Variants in EXOC4 observed in about 807,000 individuals in gnomAD.
EXOC4 encodes the protein exocyst complex component 4, also known as SEC8-like 1.
Under a neutral mutation model 107.2 loss-of-function variants are expected in EXOC4, and 71 were observed. The ratio of observed to expected loss-of-function variants is 0.66; its 90% CI spans 0.55 to 0.81. The LOEUF (loss-of-function observed/expected upper bound fraction) is 0.81, where lower values mean the gene tolerates loss of function less well. EXOC4 is among the 30% of genes least tolerant of loss of function. The pLI is 0.00. For missense variants in EXOC4, 1,108 were observed against 1,189.6 expected (o/e 0.93, Z 1.01); for synonymous variants, 456 against 441.2 (o/e 1.03, Z -0.42).
chr7:133,814,079 A>G (rs1227683046), intron 10 of EXOC4, among the ~76,000 whole-genome samples: 2 of 152,214 alleles, frequency 1.3e-5, no homozygotes, highest in South Asian at 2.1e-4. Flanking sequence ...ACAGTTTTTA[A>G]CAATCAAATG....
At chr7:133,630,574 A>T (rs779540853) in intron 10 of EXOC4, among the ~76,000 whole-genome samples, 5 of 152,084 alleles carry the variant, frequency 3.3e-5, no homozygotes, top group Non-Finnish European at 5.9e-5. Flanking sequence ...GCAGACTTTT[A>T]ATTGCAACAG....
intron 9 of EXOC4, among the ~76,000 whole-genome samples, chr7:133,497,671 C>T (rs185250544): frequency 4.9e-4 from 75 of 152,186 alleles, no homozygotes; most frequent in East Asian, 4.6e-3. Flanking sequence ...CCTCGTGTTC[C>T]GCCCACCTCA....
At chr7:133,517,427 T>TC (rs1799897674) in intron 9 of EXOC4, among the ~76,000 whole-genome samples, 1 of 152,162 alleles carries the variant, frequency 6.6e-6, no homozygotes, top group African/African-American at 2.4e-5. Flanking sequence ...CTTCCCCCGC[T>TC]CCATGTGTAT....
At chr7:134,056,071 A>G (rs182044738) in intron 17 of EXOC4, among the ~76,000 whole-genome samples, 1 of 152,332 alleles carries the variant, frequency 6.6e-6, no homozygotes, top group Admixed American at 6.5e-5. Flanking sequence ...AAAAATATAG[A>G]TAATATACAC....
chr7:134,070,470 C>T (rs990306769), downstream of EXOC4, among the ~76,000 whole-genome samples: 1 of 152,100 alleles, frequency 6.6e-6, no homozygotes, highest in Admixed American at 6.5e-5. Flanking sequence ...AGCTACTTAT[C>T]AAGAGTGTAA....
chr7:133,478,355 A>C (rs945289572), intron 8 of EXOC4, among the ~76,000 whole-genome samples: 3 of 151,818 alleles, frequency 2.0e-5, no homozygotes, highest in Middle Eastern at 3.4e-3. Flanking sequence ...AAATTGGCTT[A>C]AATAATTATT....
At chr7:133,786,204 G>C (rs983407124) in intron 10 of EXOC4, among the ~76,000 whole-genome samples, 3 of 152,202 alleles carry the variant, frequency 2.0e-5, no homozygotes, top group African/African-American at 7.2e-5. Flanking sequence ...AACCAGGGCA[G>C]CACTGGGGGC....
chr7:133,446,928 A>G (rs374386123), intron 7 of EXOC4, among the ~76,000 whole-genome samples: 1 of 152,200 alleles, frequency 6.6e-6, no homozygotes. Flanking sequence ...TACAATATGC[A>G]TTTCTCAACC....
chr7:133,468,015 C>CT (rs1252685146), intron 7 of EXOC4, among the ~76,000 whole-genome samples: 9 of 152,046 alleles, frequency 5.9e-5, no homozygotes, highest in African/African-American at 2.2e-4. Flanking sequence ...TAGCACAATA[C>CT]TTTGCATATT....
At chr7:133,760,382 C>T (rs972434365) in intron 10 of EXOC4, among the ~76,000 whole-genome samples, 9 of 151,918 alleles carry the variant, frequency 5.9e-5, no homozygotes, top group African/African-American at 1.2e-4. Flanking sequence ...GGATAGACAC[C>T]GTCTTAATAT....
At chr7:133,275,293 CAGG>C in intron 2 of EXOC4, 122 bp downstream of exon 2, 1 of 782,382 alleles carries the variant, frequency 1.3e-6, no homozygotes, top group East Asian at 3.0e-5. Flanking sequence ...TGCCACTTTT[CAGG>C]AGTTCTGCAG....
intron 17 of EXOC4, among the ~76,000 whole-genome samples, chr7:134,049,045 ATGTAAACTGAAAC>A (rs1472906111): frequency 1.3e-5 from 2 of 152,200 alleles, no homozygotes; most frequent in African/African-American, 4.8e-5. Flanking sequence ...TCCAGGGTGT[ATGTAAACTGAAAC>A]TGATTGTCCT....
At chr7:133,906,891 C>T (rs961258618) in intron 12 of EXOC4, among the ~76,000 whole-genome samples, 2 of 152,236 alleles carry the variant, frequency 1.3e-5, no homozygotes, top group Non-Finnish European at 2.9e-5. Flanking sequence ...TTCCACGGTT[C>T]TCTTCTGTGA....
the EXOC4 span, among the ~76,000 whole-genome samples, chr7:134,088,015 C>T: frequency 6.6e-6 from 1 of 152,184 alleles, no homozygotes; most frequent in Non-Finnish European, 1.5e-5. Context: ...TTTGTACCCT[C>T]AAATACCTAT....
In EXOC4 at chr7:133,516,758, A is replaced by ATTT. The variant is rs780319592; in HGVS notation, c.1417+36632_1417+36634dup. On this transcript the variant is annotated intron_variant, in intron 9 of 17. Coordinates refer to ENST00000253861, the MANE Select transcript of EXOC4 (RefSeq NM_021807.4). The stretch of plus-strand genomic sequence containing the variant: ...TGGGAAACTGCCAAACTAGCTGCTC[A>ATTT]TTTTTTTTTTTTTTACAGAATTTAT... Among the ~76,000 whole-genome samples the ATTT allele has an allele frequency of 3.5e-3, 174 of 49,048 alleles. 19 individuals are homozygous for ATTT. Among genetic ancestry groups the ATTT allele is most frequent in the African/African-American group, 7.1e-3 (112 of 15,750 alleles). The allele number at this position is 49,048 out of a possible 152,430, so 32.2% of individuals were successfully genotyped here.
chr7:133,391,112 A>T (rs1434275538), intron 7 of EXOC4, among the ~76,000 whole-genome samples: 1 of 152,248 alleles, frequency 6.6e-6, no homozygotes, highest in African/African-American at 2.4e-5. Flanking sequence ...GAGTTGTGTC[A>T]CATAAGTGAG....
intron 9 of EXOC4, among the ~76,000 whole-genome samples, chr7:133,580,033 A>G (rs1801218287): frequency 1.3e-5 from 2 of 152,228 alleles, no homozygotes; most frequent in Non-Finnish European, 2.9e-5. Context: ...CCATTGATTC[A>G]TATAAGTGAA....
chr7:133,346,927 A>C (rs753939738), intron 5 of EXOC4, among the ~76,000 whole-genome samples: 1 of 152,160 alleles, frequency 6.6e-6, no homozygotes, highest in Non-Finnish European at 1.5e-5. Context: ...GCAGTTTATG[A>C]AGTAAAATAC....
At chr7:133,760,074 T>G (rs1374979073) in intron 10 of EXOC4, among the ~76,000 whole-genome samples, 1 of 152,068 alleles carries the variant, frequency 6.6e-6, no homozygotes, top group Non-Finnish European at 1.5e-5. Flanking sequence ...TAAATTCTGT[T>G]TTTAGGGGTG....
Sources: gnomAD v4.1 joint callset for allele counts (sites outside exome capture counted in the v4.1 genomes callset) on GRCh38, gnomAD v4.1.1 for gene constraint, MANE v1.5 for transcripts, NCBI Gene and HGNC (gene_info 2026-07-23, HGNC 2026-07-21) for gene names.